Variants in NAA15 observed in about 807,000 individuals in gnomAD.
NAA15 encodes N-terminal acetyltransferase.
In NAA15, 34 loss-of-function variants were observed where a neutral mutation model predicts 114.0. That is an observed-to-expected ratio of 0.30 (90% CI 0.23 to 0.40). The LOEUF is 0.40. Ranked by LOEUF, NAA15 falls within the 10% of genes least tolerant of loss-of-function variation. The pLI is 1.00. For missense variants in NAA15, 658 were observed against 1,004.5 expected, an observed-to-expected ratio of 0.66 and a Z score of 4.66; for synonymous variants, 340 against 338.0, an observed-to-expected ratio of 1.01 and a Z score of -0.06.
At chr4:139,327,327 A>T (rs1746835352) in intron 1 of NAA15, among the ~76,000 whole-genome samples, 1 of 152,050 alleles carries the variant, frequency 6.6e-6, no homozygotes, top group Non-Finnish European at 1.5e-5. Flanking sequence ...TCTGCTCACC[A>T]CAACCTCCGT....
chr4:139,367,011 C>G (rs1037395054), intron 14 of NAA15, among the ~76,000 whole-genome samples: 1 of 152,212 alleles, frequency 6.6e-6, no homozygotes, highest in Non-Finnish European at 1.5e-5. Flanking sequence ...TCATGTAAAT[C>G]AGGTACAGGT....
intron 3 of NAA15, among the ~76,000 whole-genome samples, chr4:139,337,451 G>C (rs1238589330): frequency 9.9e-5 from 15 of 152,196 alleles, no homozygotes; most frequent in African/African-American, 3.6e-4. Context: ...TTAGAGCTCA[G>C]TTTCTTCATG....
At chr4:139,369,316 A>T (rs1748368468) in intron 14 of NAA15, among the ~76,000 whole-genome samples, 1 of 152,246 alleles carries the variant, frequency 6.6e-6, no homozygotes, top group East Asian at 1.9e-4. Flanking sequence ...CATAGATTGC[A>T]AATAGTTTAA....
rs1579144867 is a variant in NAA15 at position 139,388,351 on chromosome 4, A to G, written c.*267A>G. 4.0e-6 allele frequency: 1 copy of G among 249,822 alleles called. No individual in the cohort carries two copies. The highest frequency in any genetic ancestry group is 8.3e-5 in the East Asian group (1 of 12,092). The allele number at this position is 249,822 out of a possible 1,614,324, so 15.5% of individuals were successfully genotyped here. The stretch of plus-strand genomic sequence containing the variant: ...TACCTTATCCTATTCCTCCCCACCC[A>G]CCCATGTTTTTAAACTAATTTATAT... On this transcript the variant is annotated 3_prime_UTR_variant, in exon 20 of 20. Transcript: ENST00000296543.
At chr4:139,308,966 G>C (rs1746122133) in intron 1 of NAA15, among the ~76,000 whole-genome samples, 1 of 152,000 alleles carries the variant, frequency 6.6e-6, no homozygotes, top group South Asian at 2.1e-4. Context: ...AAGTATACCA[G>C]AAAACAAAAT....
rs758793013 is a variant in NAA15 at position 139,357,531 on chromosome 4, T to C, written c.1233T>C (p.Phe411=). ...IESTPTLIEL[F]LVKAKIYKHA... is the part of the protein sequence containing the mutation. ...GTACACCTACATTAATAGAACTCTT[T>C]CTCGTGAAAGCTAAAATCTATAAGG... Residue 411 remains phenylalanine, a synonymous_variant, in exon 11 of 20, where the codon TTT becomes TTC. Transcript: ENST00000296543. 10 of 1,608,296 alleles carry C rather than the reference T, an allele frequency of 6.2e-6. No homozygotes were observed. In the South Asian group the frequency reaches 1.0e-4, roughly 16 times the overall value.
intron 3 of NAA15, among the ~76,000 whole-genome samples, chr4:139,338,720 T>A (rs1461886997): frequency 6.6e-6 from 1 of 152,192 alleles, no homozygotes; most frequent in Non-Finnish European, 1.5e-5. Flanking sequence ...AGTGCTGGGA[T>A]TACAGGTGTG....
chr4:139,315,520 G>T (rs1746382323), intron 1 of NAA15, among the ~76,000 whole-genome samples: 1 of 151,252 alleles, frequency 6.6e-6, no homozygotes, highest in Admixed American at 6.6e-5. Flanking sequence ...CGCGTCTCAA[G>T]AACAACAATA....
At chr4:139,304,858 C>T (rs1296394038) in intron 1 of NAA15, among the ~76,000 whole-genome samples, 2 of 152,288 alleles carry the variant, frequency 1.3e-5, no homozygotes, top group Middle Eastern at 3.4e-3. Flanking sequence ...CCCATCCCCT[C>T]TCGCTGCAGG....
chr4:139,334,609 CAT>C (rs879648972), intron 2 of NAA15, among the ~76,000 whole-genome samples: 11 of 152,220 alleles, frequency 7.2e-5, no homozygotes, highest in Non-Finnish European at 1.2e-4. Flanking sequence ...CATAAACTAT[CAT>C]ATTTTTTATT....
intron 1 of NAA15, among the ~76,000 whole-genome samples, chr4:139,332,730 C>T (rs1374412630): frequency 2.0e-5 from 3 of 151,506 alleles, no homozygotes; most frequent in Admixed American, 6.6e-5. Context: ...TTACAGGTGG[C>T]GCCAGCAGGC....
At chr4:139,358,259 C>G (rs909298906) in intron 11 of NAA15, among the ~76,000 whole-genome samples, 1 of 150,660 alleles carries the variant, frequency 6.6e-6, no homozygotes. Context: ...GTGGCGCGAT[C>G]TCAGCTCCCT....
chr4:139,319,238 G>C (rs553868302), intron 1 of NAA15, among the ~76,000 whole-genome samples: 1 of 152,140 alleles, frequency 6.6e-6, no homozygotes, highest in African/African-American at 2.4e-5. Context: ...GGGTTGCAGC[G>C]AGCCGAGATC....
rs1748137108 is a variant in NAA15 at position 139,361,708 on chromosome 4, A to G, written c.1540-16A>G. The G allele has an allele frequency of 2.0e-6, 3 of 1,492,010 alleles. No individual in the cohort carries two copies. The allele number at this position is 1,492,010 out of a possible 1,614,324, so 92.4% of individuals were successfully genotyped here. On this transcript the variant is annotated splice_polypyrimidine_tract_variant and intron_variant, in intron 13 of 19. Coordinates refer to ENST00000296543, the MANE Select transcript of NAA15 (RefSeq NM_057175.5). ...TGCTGTACTTCGGTATAATAATAAAAAGATAATTTTGTTAGCATTTTATAG... is the reference window on the plus strand; with the variant it reads ...TGCTGTACTTCGGTATAATAATAAAGAGATAATTTTGTTAGCATTTTATAG...
At chr4:139,343,822 C>G (rs1747490110) in intron 5 of NAA15, among the ~76,000 whole-genome samples, 1 of 152,148 alleles carries the variant, frequency 6.6e-6, no homozygotes, top group African/African-American at 2.4e-5. Context: ...TTTTAGCATT[C>G]ATTGATTATG....
rs1749003365 is a variant in NAA15, at chr4:139,389,787, T to C, written c.*1703T>C. 6.5e-6 allele frequency: 1 copy of C among 152,748 alleles called. No homozygotes were observed. Among genetic ancestry groups the C allele is most frequent in the East Asian group, 1.9e-4 (1 of 5,184 alleles). 9.5% of individuals were successfully genotyped at this position (152,748 alleles called of 1,614,324 possible). A position where few individuals can be genotyped will look rare whatever the true frequency, so the allele number is the denominator to read the frequency against. ...AATTTGCCGAAGACCTTTTACTGAT[T>C]GAACAGTTGTGCTACAATCAACTTT... is the stretch of plus-strand genomic sequence containing the variant. On this transcript the variant is annotated 3_prime_UTR_variant, in exon 20 of 20. Transcript: ENST00000296543.
At chr4:139,383,717 C>T (rs909006417) in intron 17 of NAA15, among the ~76,000 whole-genome samples, 1 of 152,188 alleles carries the variant, frequency 6.6e-6, no homozygotes, top group Non-Finnish European at 1.5e-5. Flanking sequence ...GTGATCCACC[C>T]GCCTTGGCCT....
At chr4:139,346,311 AG>A (rs1747580835) in intron 6 of NAA15, among the ~76,000 whole-genome samples, 1 of 152,172 alleles carries the variant, frequency 6.6e-6, no homozygotes, top group Non-Finnish European at 1.5e-5. Context: ...ATAAGAAATA[AG>A]GCTATCAGCT....
Position 139,386,114 on chromosome 4 carries a change from C to T in NAA15, c.2303-19C>T. Reference sequence around the variant, plus strand: ...TTGGTTTTACCTTGAAATAAATTTCCTATTTCCCTCTCATTTAGCTGCCAA... The same window carrying T: ...TTGGTTTTACCTTGAAATAAATTTCTTATTTCCCTCTCATTTAGCTGCCAA... On this transcript the variant is annotated intron_variant, in intron 18 of 19. Coordinates refer to ENST00000296543, the MANE Select transcript of NAA15 (RefSeq NM_057175.5). 2 of 1,376,998 alleles carry T rather than the reference C, an allele frequency of 1.5e-6. No individual in the cohort carries two copies. The highest frequency in any genetic ancestry group is 2.0e-6 in the Non-Finnish European group (2 of 989,722). The allele number at this position is 1,376,998 out of a possible 1,614,324, so 85.3% of individuals were successfully genotyped here.
Sources: allele counts gnomAD v4.1 joint callset (sites outside exome capture counted in the v4.1 genomes callset), GRCh38; gene constraint gnomAD v4.1.1; transcripts MANE v1.5; gene names NCBI Gene and HGNC (gene_info 2026-07-23, HGNC 2026-07-21).